ZNF768: variants seen among roughly 807,000 people sequenced by gnomAD.
ZNF768 encodes the protein zinc finger protein 768.
A neutral mutation model predicts 39.7 loss-of-function variants in ZNF768; 12 were observed. That is an observed-to-expected ratio of 0.30 (90% CI 0.19 to 0.49). The LOEUF is 0.49. Among genes scored for constraint, ZNF768 ranks in the 20% least tolerant of loss-of-function variants. ZNF768 has a pLI of 0.99. For missense variants in ZNF768, 613 were observed against 723.2 expected, an observed-to-expected ratio of 0.85 and a Z score of 1.75; for synonymous variants, 360 against 288.4, an observed-to-expected ratio of 1.25 and a Z score of -2.52.
At chr16:30,526,130 A>T in intron 1 of ZNF768, 79 bp from the exon 2 acceptor site, 1 of 1,491,924 alleles carries the variant, frequency 6.7e-7, no homozygotes, top group Non-Finnish European at 8.9e-7. Flanking sequence ...CTCCCACCTC[A>T]CATGCAGGGT....
upstream of ZNF768, among the ~76,000 whole-genome samples, chr16:30,529,425 A>G (rs1177671552): frequency 6.6e-6 from 1 of 152,232 alleles, no homozygotes; most frequent in Non-Finnish European, 1.5e-5. Context: ...CAACCTGGCC[A>G]ACACTGCAGG....
chr16:30,525,417 G>A lies in ZNF768; in HGVS notation c.723C>T (p.Ala241=), dbSNP rs561390852. Residue 241 remains alanine (A), a synonymous_variant, in exon 2 of 2, where the codon GCC becomes GCT. Transcript: ENST00000380412. Reference sequence around the variant, plus strand: ...CACCCCGCCGACCTGGACCTCGAAGGGCTCCTGTGAGACCCAGGGGATTCT... The same window carrying A: ...CACCCCGCCGACCTGGACCTCGAAGAGCTCCTGTGAGACCCAGGGGATTCT... The part of the protein sequence containing the change: ...MLQNPLGLTG[A]LRGPGRRGGR... The A allele has an allele frequency of 8.1e-6, 13 of 1,614,166 alleles. No homozygotes were observed. The South Asian group carries it at 1.1e-4, about 14-fold the overall frequency.
the ZNF768 span, chr16:30,531,885 G>A: frequency 2.9e-4 from 44 of 152,930 alleles, no homozygotes; most frequent in Middle Eastern, 3.4e-3. Context: ...GGTGGCTCAC[G>A]CCTGTAATCC....
At position 30,525,677 on chromosome 16, in the gene ZNF768, C is replaced by G; in HGVS notation, c.463G>C (p.Glu155Gln). 6.2e-7 allele frequency: 1 copy of G among 1,614,196 alleles called. No individual in the cohort carries two copies. ...AATTCTGGGCTTTGGGTTTTGAGCT[C>G]AGTGTTCTGGGATTCATATCTAGAG... is the stretch of plus-strand genomic sequence containing the variant. The part of the protein sequence containing the change: ...ESSRYESQNT[E>Q]LKTQSPEFEA... Residue 155 changes from glutamate to glutamine, a missense_variant, in exon 2 of 2, where the codon GAG becomes CAG. Glu to Gln is a conservative substitution (Grantham distance 29). Transcript: ENST00000380412.
In ZNF768 at chr16:30,524,082, A is replaced by T; in HGVS notation, c.*435T>A. 1 of 181,654 alleles carries T rather than the reference A, an allele frequency of 5.5e-6. No homozygotes were observed. The allele number at this position is 181,654 out of a possible 1,614,324, so 11.3% of individuals were successfully genotyped here. A position where few individuals can be genotyped will look rare whatever the true frequency, so the allele number is the denominator to read the frequency against. On this transcript the variant is annotated 3_prime_UTR_variant, in exon 2 of 2. Transcript: ENST00000380412. ...GAAGAAGAGGGAGGCTGGGGTTTGC[A>T]CGCAGAGGCCCAGGCCCCACCCCGG...
chr16:30,525,012 G>C lies in ZNF768; in HGVS notation c.1128C>G (p.Thr376=), dbSNP rs144465663. 8.1e-6 allele frequency: 13 copies of C among 1,614,094 alleles called. No homozygotes were observed. The highest frequency in any genetic ancestry group is 1.6e-4 in the Middle Eastern group (1 of 6,062). ...TCTGGCTATAGCACTTGCCGCACTC[G>C]GTGCAGCTGTAGGGCCGCTCGTGGC... The part of the protein sequence containing the change: ...THSHERPYSC[T]ECGKCYSQNS... The change falls in exon 2 of 2, where the codon ACC becomes ACG. Residue 376 remains threonine (T), a synonymous_variant. Transcript: ENST00000380412.
chr16:30,527,416 G>T, upstream of ZNF768: 1 of 806,252 alleles, frequency 1.2e-6, no homozygotes, highest in Non-Finnish European at 1.5e-6. Context: ...GCCCCAGGAA[G>T]CCCGGCGGTT....
At chr16:30,532,348 A>T in the ZNF768 span, 1 of 852,356 alleles carries the variant, frequency 1.2e-6, no homozygotes, top group Non-Finnish European at 1.8e-6. Flanking sequence ...CTGGCAGAAG[A>T]GGCTGCTGAG....
upstream of ZNF768, chr16:30,526,797 CCCCACCCT>C (rs2051332115): frequency 2.6e-6 from 2 of 776,248 alleles, no homozygotes; most frequent in Non-Finnish European, 3.1e-6. Context: ...CCCAGCACCC[CCCCACCCT>C]CCCCCGCACA....
chr16:30,530,741 T>G (rs2051363096), upstream of ZNF768: 1 of 152,336 alleles, frequency 6.6e-6, no homozygotes, highest in South Asian at 2.1e-4. This position sits in a 1 kb window ranked among gnomAD's most constrained non-coding sequence, Gnocchi z 4.4. Flanking sequence ...GGCTGATAAA[T>G]CTGGTTCCTT....
intron 1 of ZNF768, 82 bp from the exon 2 acceptor site, chr16:30,526,133 T>C (rs2051321399): frequency 1.3e-6 from 2 of 1,493,128 alleles, no homozygotes; most frequent in Non-Finnish European, 1.8e-6. Flanking sequence ...CCACCTCACA[T>C]GCAGGGTCGC....
rs1223097958 is a variant in ZNF768, at chr16:30,525,111, C to T, written c.1029G>A (p.Lys343=). ...TGCCACAATGTGGGCACTTGTAGGG[C>T]TTCTGGCCAGAGTGAGTGCGCTGGT... The part of the protein sequence containing the change: ...LRHQRTHSGQ[K]PYKCPHCGKA... Residue 343 remains lysine (K), a synonymous_variant, in exon 2 of 2, where the codon AAG becomes AAA. Coordinates refer to ENST00000380412, the MANE Select transcript of ZNF768 (RefSeq NM_024671.4). The T allele has an allele frequency of 1.2e-6, 2 of 1,614,040 alleles. No individual in the cohort carries two copies. Among genetic ancestry groups the T allele is most frequent in the Admixed American group, 3.3e-5 (2 of 59,994 alleles).
At position 30,524,037 on chromosome 16, in the gene ZNF768, C is replaced by G. The variant is rs1567497505; in HGVS notation, c.*480G>C. 1 of 167,146 alleles carries G rather than the reference C, an allele frequency of 6.0e-6. No individual in the cohort carries two copies. The highest frequency in any genetic ancestry group is 6.1e-5 in the Admixed American group (1 of 16,454). 10.4% of individuals were successfully genotyped at this position (167,146 alleles called of 1,614,324 possible). Reference sequence around the variant, plus strand: ...ATAAAGTTTTTATTGAACTCAAACTCAGGGGCTCCAAAGCCTGAGGAAGAA... The same window carrying G: ...ATAAAGTTTTTATTGAACTCAAACTGAGGGGCTCCAAAGCCTGAGGAAGAA... On this transcript the variant is annotated 3_prime_UTR_variant, in exon 2 of 2. Transcript: ENST00000380412.
In ZNF768 at chr16:30,524,745, G is replaced by A. The variant is rs1343537361; in HGVS notation, c.1395C>T (p.Thr465=). The change falls in exon 2 of 2, where the codon ACC becomes ACT. Residue 465 remains threonine (T), a synonymous_variant. Coordinates refer to ENST00000380412, the MANE Select transcript of ZNF768 (RefSeq NM_024671.4). ...RTYSCPDCGK[T]FNRSSTLIQH... is the part of the protein sequence containing the mutation. ...GGATGAGAGTGGAGGAGCGATTGAAGGTCTTGCCGCAGTCGGGGCAGCTGT... is the reference window on the plus strand; with the variant it reads ...GGATGAGAGTGGAGGAGCGATTGAAAGTCTTGCCGCAGTCGGGGCAGCTGT... 1.9e-6 allele frequency: 3 copies of A among 1,612,964 alleles called. No individual in the cohort carries two copies. Among genetic ancestry groups the A allele is most frequent in the East Asian group, 2.2e-5 (1 of 44,834 alleles).
chr16:30,526,628 A>C (rs1267475965), upstream of ZNF768: 11 of 987,308 alleles, frequency 1.1e-5, no homozygotes, highest in Admixed American at 6.0e-5. Flanking sequence ...CCCCCTCCCA[A>C]GGTCTCGGCC....
At chr16:30,526,916 A>T (rs2051333332), upstream of ZNF768, 2 of 984,828 alleles carry the variant, frequency 2.0e-6, no homozygotes, top group African/African-American at 3.5e-5. Context: ...CCTGGGCTGG[A>T]GGGGCCCGGC....
upstream of ZNF768, chr16:30,526,800 C>A (rs1044825273): frequency 8.1e-6 from 7 of 869,560 alleles, no homozygotes; most frequent in African/African-American, 8.4e-5. Context: ...AGCACCCCCC[C>A]ACCCTCCCCC....
At chr16:30,526,948 A>C, upstream of ZNF768, 1 of 985,338 alleles carries the variant, frequency 1.0e-6, no homozygotes, top group Non-Finnish European at 1.2e-6. Flanking sequence ...TGAGGACCGG[A>C]CGCCCCGGAG....
At chr16:30,528,161 ATGTT>A (rs1284754364), upstream of ZNF768, 3 of 152,286 alleles carry the variant, frequency 2.0e-5, no homozygotes, top group East Asian at 1.9e-4. Context: ...AGGGAAGAGA[ATGTT>A]TGGGAGGAAG....
Sources: gnomAD v4.1 joint callset for allele counts (sites outside exome capture counted in the v4.1 genomes callset) on GRCh38, gnomAD v4.1.1 for gene constraint, Gnocchi (gnomAD v3.1) non-coding constraint, MANE v1.5 for transcripts, NCBI Gene and HGNC (gene_info 2026-07-23, HGNC 2026-07-21) for gene names.